The following LARGE1 variants were observed in gnomAD, a reference collection of about 807,000 sequenced individuals.
The protein encoded by LARGE1 is LARGE xylosyl- and glucuronyltransferase 1.
In LARGE1, 43 loss-of-function variants were observed where a neutral mutation model predicts 87.6. The ratio of observed to expected loss-of-function variants is 0.49; its 90% confidence interval spans 0.38 to 0.63. LARGE1 has a LOEUF of 0.63. Ranked by LOEUF, LARGE1 falls within the 30% of genes least tolerant of loss-of-function variation. LARGE1 has a pLI of 0.00. For missense variants in LARGE1, 802 were observed against 1,000.2 expected (o/e 0.80, Z 2.67); for synonymous variants, 434 against 394.6 (o/e 1.10, Z -1.18).
intron 1 of LARGE1, among the ~76,000 whole-genome samples, chr22:33,887,167 C>CA (rs1436336016): frequency 6.6e-6 from 1 of 152,152 alleles, no homozygotes; most frequent in Non-Finnish European, 1.5e-5. Flanking sequence ...ATGTCCCCCC[C>CA]AAAATTGCTT....
chr22:33,326,850 C>A (rs370167348), intron 10 of LARGE1, among the ~76,000 whole-genome samples: 2 of 152,288 alleles, frequency 1.3e-5, no homozygotes, highest in African/African-American at 4.8e-5. Context: ...AGCAGCCAGG[C>A]CACAAGGGGA....
At chr22:33,427,618 A>G (rs2066923740) in intron 7 of LARGE1, among the ~76,000 whole-genome samples, 1 of 152,262 alleles carries the variant, frequency 6.6e-6, no homozygotes, top group Non-Finnish European at 1.5e-5. Flanking sequence ...TGTGTAGTGA[A>G]GAGGCTGTGT....
chr22:33,138,925 G>A, the LARGE1 span, among the ~76,000 whole-genome samples: 1,032 of 152,226 alleles, frequency 6.8e-3, 9 homozygotes, highest in Non-Finnish European at 0.011. Flanking sequence ...TCATGGGAGG[G>A]ACACAATGGG....
rs200525916 is a variant in LARGE1, at chr22:33,306,861, C to CAA, written c.1452-2356_1452-2355dup. Reference sequence around the variant, plus strand: ...TGCACTCCAGAGTGAGAATCTGTCTCAAAAAAAAAAAAAAAAAGAATAGAG... The same window carrying CAA: ...TGCACTCCAGAGTGAGAATCTGTCTCAAAAAAAAAAAAAAAAAAAGAATAGAG... On this transcript the variant is annotated intron_variant, in intron 11 of 14. Transcript: ENST00000397394. 2.3e-3 allele frequency among the ~76,000 whole-genome samples: 229 copies of CAA among 101,328 alleles called. 2 individuals are homozygous for CAA. The highest frequency in any genetic ancestry group is 5.0e-3 in the African/African-American group (153 of 30,690). 66.5% of individuals were successfully genotyped at this position (101,328 alleles called of 152,430 possible). A position where few individuals can be genotyped will look rare whatever the true frequency, so the allele number is the denominator to read the frequency against.
At chr22:33,921,716 T>C, upstream of LARGE1, among the ~76,000 whole-genome samples, 1 of 152,110 alleles carries the variant, frequency 6.6e-6, no homozygotes, top group Non-Finnish European at 1.5e-5. The surrounding 1 kb of genome is among the most constrained non-coding windows in gnomAD (Gnocchi z 4.1). Context: ...GCTGATTTTA[T>C]TCTCGCTCTT....
At chr22:33,347,338 T>C (rs936480145) in intron 9 of LARGE1, among the ~76,000 whole-genome samples, 2 of 152,230 alleles carry the variant, frequency 1.3e-5, no homozygotes, top group African/African-American at 4.8e-5. Flanking sequence ...TATTATTCTT[T>C]TGGAGTGCCA....
At chr22:33,663,969 G>GT (rs139456497) in intron 2 of LARGE1, among the ~76,000 whole-genome samples, 2,498 of 152,258 alleles carry the variant, frequency 0.016, 49 homozygotes, top group African/African-American at 0.049. Context: ...TCTGCCCAGG[G>GT]TGAGTTGGCT....
chr22:33,689,348 C>T (rs375932962), intron 2 of LARGE1, among the ~76,000 whole-genome samples: 1 of 152,258 alleles, frequency 6.6e-6, no homozygotes, highest in African/African-American at 2.4e-5. Flanking sequence ...CTGATGAATG[C>T]CCAGGAAGCC....
At chr22:33,330,478 G>A (rs142892687) in intron 10 of LARGE1, among the ~76,000 whole-genome samples, 10 of 152,120 alleles carry the variant, frequency 6.6e-5, no homozygotes, top group Non-Finnish European at 1.3e-4. Flanking sequence ...ATGAGCTACC[G>A]CACCCTGCCA....
chr22:33,399,120 T>C (rs978817397), intron 7 of LARGE1, among the ~76,000 whole-genome samples: 1 of 152,162 alleles, frequency 6.6e-6, no homozygotes, highest in African/African-American at 2.4e-5. Flanking sequence ...TTTGTCCTAA[T>C]TCTCTCCCTC....
chr22:33,321,806 T>C (rs568543949), intron 10 of LARGE1, among the ~76,000 whole-genome samples: 1 of 152,186 alleles, frequency 6.6e-6, no homozygotes, highest in South Asian at 2.1e-4. Context: ...GGGTTTCTCA[T>C]CCCCTTTACT....
chr22:33,381,841 C>G (rs1248033972), intron 9 of LARGE1, 78 bp downstream of exon 9: 1 of 1,583,622 alleles, frequency 6.3e-7, no homozygotes, highest in Non-Finnish European at 8.7e-7. Context: ...ACATAAATCT[C>G]CCAGCCATCC....
chr22:33,406,662 G>C (rs772713910), intron 7 of LARGE1, among the ~76,000 whole-genome samples: 2 of 152,220 alleles, frequency 1.3e-5, no homozygotes, highest in Admixed American at 6.5e-5. Context: ...GCACAGAGAA[G>C]TTGGCATGCC....
At chr22:33,442,426 G>A (rs536129684) in intron 6 of LARGE1, among the ~76,000 whole-genome samples, 13 of 152,144 alleles carry the variant, frequency 8.5e-5, no homozygotes, top group Non-Finnish European at 1.2e-4. Flanking sequence ...GCAGCTACTC[G>A]CAGGCTGAGC....
At chr22:33,651,901 T>C (rs1264767180) in intron 2 of LARGE1, among the ~76,000 whole-genome samples, 1 of 152,056 alleles carries the variant, frequency 6.6e-6, no homozygotes, top group Non-Finnish European at 1.5e-5. Context: ...CGGCCGCGTG[T>C]GGTGGCTCAT....
intron 1 of LARGE1, among the ~76,000 whole-genome samples, chr22:33,870,243 G>A (rs1337209939): frequency 6.6e-6 from 1 of 152,162 alleles, no homozygotes; most frequent in East Asian, 1.9e-4. Flanking sequence ...GCAGAGGCCA[G>A]GAAGGACACA....
At chr22:33,343,803 G>A (rs1381038550) in intron 9 of LARGE1, among the ~76,000 whole-genome samples, 1 of 152,144 alleles carries the variant, frequency 6.6e-6, no homozygotes, top group Non-Finnish European at 1.5e-5. Flanking sequence ...GATCTGTCTT[G>A]CTCAGTATAT....
At chr22:33,283,934 GAAAGA>G (rs1035360052) in intron 12 of LARGE1, among the ~76,000 whole-genome samples, 3 of 151,880 alleles carry the variant, frequency 2.0e-5, no homozygotes, top group Non-Finnish European at 4.4e-5. Context: ...AAGAAGGAAA[GAAAGA>G]AAAGGAAAAG....
chr22:33,255,572 C>T (rs916794252), intron 11 of LARGE1, among the ~76,000 whole-genome samples: 2 of 152,176 alleles, frequency 1.3e-5, no homozygotes, highest in Middle Eastern at 3.2e-3. Flanking sequence ...TCAATATTCT[C>T]GTATATCTGA....
Sources: allele counts gnomAD v4.1 joint callset (sites outside exome capture counted in the v4.1 genomes callset), GRCh38; gene constraint gnomAD v4.1.1; non-coding constraint Gnocchi (gnomAD v3.1); transcripts MANE v1.5; gene names NCBI Gene and HGNC (gene_info 2026-07-23, HGNC 2026-07-21).